The following PCSK2 variants were observed in gnomAD, a reference collection of about 807,000 sequenced individuals.
The protein encoded by PCSK2 is neuroendocrine convertase 2.
A neutral mutation model predicts 69.7 loss-of-function variants in PCSK2; 14 were observed. The ratio of observed to expected loss-of-function variants is 0.20; its 90% confidence interval spans 0.13 to 0.31. The LOEUF (loss-of-function observed/expected upper bound fraction) is 0.31. PCSK2 is among the 10% of genes least tolerant of loss of function. The probability of loss-of-function intolerance (pLI) is 1.00; values close to 1 mark genes in which losing one functional copy is unlikely to be tolerated. For synonymous variants in PCSK2, 307 were observed against 320.7 expected (o/e 0.96, Z 0.46); for missense variants, 544 against 842.5 (o/e 0.65, Z 4.39).
chr20:17,292,352 G>A (rs1263673857), intron 2 of PCSK2, among the ~76,000 whole-genome samples: 2 of 151,676 alleles, frequency 1.3e-5, no homozygotes, highest in African/African-American at 2.4e-5. Flanking sequence ...CTTTCCAAAA[G>A]AAAGAAAAAA....
intron 2 of PCSK2, among the ~76,000 whole-genome samples, chr20:17,332,803 A>T (rs1990239111): frequency 6.6e-6 from 1 of 152,180 alleles, no homozygotes; most frequent in Non-Finnish European, 1.5e-5. Context: ...TTTTCACCGT[A>T]GCATTTGTAA....
intron 10 of PCSK2, among the ~76,000 whole-genome samples, chr20:17,460,632 A>G (rs983227268): frequency 6.6e-6 from 1 of 152,210 alleles, no homozygotes; most frequent in African/African-American, 2.4e-5. Flanking sequence ...TTCCTGGAAT[A>G]TTTTAGCTCT....
chr20:17,300,806 C>T (rs1989056087), intron 2 of PCSK2, among the ~76,000 whole-genome samples: 1 of 152,014 alleles, frequency 6.6e-6, no homozygotes, highest in South Asian at 2.1e-4. Context: ...CCAAAATTAC[C>T]CTCAAAAGGA....
chr20:17,356,502 G>A (rs550380564), intron 2 of PCSK2, among the ~76,000 whole-genome samples: 95 of 152,262 alleles, frequency 6.2e-4, no homozygotes, highest in African/African-American at 2.1e-3. Flanking sequence ...CCTCTGCAAG[G>A]CAGTGCAGTA....
intron 7 of PCSK2, among the ~76,000 whole-genome samples, chr20:17,434,342 A>G (rs1445459540): frequency 6.7e-6 from 1 of 149,266 alleles, no homozygotes; most frequent in Non-Finnish European, 1.5e-5. Flanking sequence ...CTTCCCTAAA[A>G]ACCCTTGGGT....
chr20:17,398,067 C>T (rs2123283576), intron 5 of PCSK2, among the ~76,000 whole-genome samples: 1 of 152,314 alleles, frequency 6.6e-6, no homozygotes, highest in Middle Eastern at 3.4e-3. Flanking sequence ...GAATGTATTT[C>T]TGCCAAGATG....
chr20:17,388,384 G>A (rs997593694), intron 5 of PCSK2, among the ~76,000 whole-genome samples: 1 of 152,044 alleles, frequency 6.6e-6, no homozygotes, highest in East Asian at 1.9e-4. Context: ...GCTTTTCTAG[G>A]AGAAAGATTA....
chr20:17,412,246 A>G (rs111772900), intron 6 of PCSK2, among the ~76,000 whole-genome samples: 319 of 152,352 alleles, frequency 2.1e-3, no homozygotes, highest in African/African-American at 7.4e-3. Context: ...CTAAAGGAGC[A>G]TATTCTAACC....
At chr20:17,285,029 A>G (rs1306406576) in intron 2 of PCSK2, among the ~76,000 whole-genome samples, 1 of 152,164 alleles carries the variant, frequency 6.6e-6, no homozygotes, top group Non-Finnish European at 1.5e-5. Context: ...GATCTTATCT[A>G]TAGGAACAAT....
intron 1 of PCSK2, among the ~76,000 whole-genome samples, chr20:17,245,358 A>T (rs1986730654): frequency 6.6e-6 from 1 of 152,236 alleles, no homozygotes; most frequent in Non-Finnish European, 1.5e-5. Context: ...AACAAATTAC[A>T]CTTTATACGA....
chr20:17,267,273 A>G (rs1347260672), intron 2 of PCSK2, among the ~76,000 whole-genome samples: 1 of 152,206 alleles, frequency 6.6e-6, no homozygotes, highest in East Asian at 1.9e-4. Flanking sequence ...TCTGTGGCCA[A>G]ATTCATTTTC....
chr20:17,427,615 T>G (rs2032275403), intron 6 of PCSK2, among the ~76,000 whole-genome samples: 1 of 152,218 alleles, frequency 6.6e-6, no homozygotes, highest in Non-Finnish European at 1.5e-5. Context: ...TTCAGTAGCT[T>G]GAAACAATAA....
At chr20:17,270,230 G>C (rs915715260) in intron 2 of PCSK2, among the ~76,000 whole-genome samples, 1 of 152,058 alleles carries the variant, frequency 6.6e-6, no homozygotes, top group African/African-American at 2.4e-5. Flanking sequence ...AACTCTTTCT[G>C]GGTATTTTAA....
intron 2 of PCSK2, among the ~76,000 whole-genome samples, chr20:17,314,946 A>C (rs571529009): frequency 1.3e-5 from 2 of 152,300 alleles, no homozygotes; most frequent in South Asian, 4.2e-4. Context: ...GCAGAAATAG[A>C]GATTTAGGAT....
chr20:17,385,044 G>A (rs2031197854), intron 5 of PCSK2, among the ~76,000 whole-genome samples: 1 of 152,178 alleles, frequency 6.6e-6, no homozygotes, highest in South Asian at 2.1e-4. Context: ...ACCTGTTTTT[G>A]TAAATAAAGT....
intron 1 of PCSK2, among the ~76,000 whole-genome samples, chr20:17,229,282 G>T (rs920230150): frequency 1.3e-5 from 2 of 151,710 alleles, no homozygotes; most frequent in African/African-American, 4.8e-5. Flanking sequence ...GTGAACCCAT[G>T]CTCTTTACTC....
chr20:17,427,480 C>A (rs1414401909), intron 6 of PCSK2, among the ~76,000 whole-genome samples: 1 of 152,186 alleles, frequency 6.6e-6, no homozygotes, highest in African/African-American at 2.4e-5. Flanking sequence ...AATACAGTCA[C>A]CCTGACAGTC....
chr20:17,346,670 A>C (rs1221614093), intron 2 of PCSK2, among the ~76,000 whole-genome samples: 1 of 152,198 alleles, frequency 6.6e-6, no homozygotes, highest in Non-Finnish European at 1.5e-5. Flanking sequence ...GGGACTTTCT[A>C]GCTTCTCTGG....
intron 1 of PCSK2, among the ~76,000 whole-genome samples, chr20:17,253,045 T>C (rs1284513277): frequency 2.0e-5 from 3 of 152,188 alleles, no homozygotes; most frequent in African/African-American, 4.8e-5. Context: ...TACAACCTTA[T>C]AGGGAAACTT....
Sources: allele counts gnomAD v4.1 joint callset (sites outside exome capture counted in the v4.1 genomes callset), GRCh38; gene constraint gnomAD v4.1.1; transcripts MANE v1.5; gene names NCBI Gene and HGNC (gene_info 2026-07-23, HGNC 2026-07-21).